Variants in CLIC6 observed in about 807,000 individuals in gnomAD.
CLIC6 encodes chloride intracellular channel protein 6.
Under a neutral mutation model 49.2 loss-of-function variants are expected in CLIC6, and 39 were observed. The observed-to-expected ratio is 0.79, with a 90% confidence interval of 0.61 to 1.04. CLIC6 has a LOEUF of 1.04. Among genes scored for constraint, CLIC6 ranks in the 50% least tolerant of loss-of-function variants. The pLI is 0.00. For missense variants in CLIC6, 988 were observed against 993.1 expected (o/e 0.99, Z 0.07); for synonymous variants, 446 against 433.4 (o/e 1.03, Z -0.36).
At position 34,716,869 on chromosome 21, in the gene CLIC6, C is replaced by CT. The variant is rs2056090498; in HGVS notation, c.*387_*388insT. The stretch of plus-strand genomic sequence containing the variant: ...TCTCTCTCTCTCTCTCTATCACACA[C>CT]ACACACACACACACACACACACACA... On this transcript the variant is annotated 3_prime_UTR_variant, in exon 6 of 6. Coordinates refer to ENST00000349499, the MANE Select transcript of CLIC6 (RefSeq NM_053277.3). 8.0e-6 allele frequency: 1 copy of CT among 124,854 alleles called. No individual in the cohort carries two copies. Among genetic ancestry groups the CT allele is most frequent in the African/African-American group, 2.9e-5 (1 of 34,966 alleles). 7.7% of individuals were successfully genotyped at this position (124,854 alleles called of 1,614,324 possible).
chr21:34,701,296 G>A (rs935965680), intron 1 of CLIC6, among the ~76,000 whole-genome samples: 10 of 120,322 alleles, frequency 8.3e-5, no homozygotes, highest in African/African-American at 3.3e-4. Flanking sequence ...GCGACAGAGC[G>A]AGGCTCCGTC....
Position 34,669,359 on chromosome 21 carries a change from A to T in CLIC6, c.-30A>T, listed in dbSNP as rs1989476027. ...GACCCTTAAGCAGCGTCAAGGAAGG[A>T]GTCCCGATCAAGGACAGGGATCTGC... On this transcript the variant is annotated 5_prime_UTR_variant, in exon 1 of 6. Coordinates refer to ENST00000349499, the MANE Select transcript of CLIC6 (RefSeq NM_053277.3). The T allele has an allele frequency of 1.3e-5, 16 of 1,234,498 alleles. No homozygotes were observed. Among genetic ancestry groups the T allele is most frequent in the Non-Finnish European group, 1.5e-5 (15 of 988,664 alleles). 76.5% of individuals were successfully genotyped at this position (1,234,498 alleles called of 1,614,324 possible).
At chr21:34,679,147 A>T (rs888345193) in intron 1 of CLIC6, among the ~76,000 whole-genome samples, 39 of 152,266 alleles carry the variant, frequency 2.6e-4, no homozygotes, top group African/African-American at 8.9e-4. Flanking sequence ...TAAAGGAAAG[A>T]GGTTTAATTG....
chr21:34,705,385 G>C (rs772086294), intron 1 of CLIC6, among the ~76,000 whole-genome samples: 1 of 152,154 alleles, frequency 6.6e-6, no homozygotes, highest in Non-Finnish European at 1.5e-5. Flanking sequence ...GCCATAGGGT[G>C]GTGGGACCCC....
intron 1 of CLIC6, among the ~76,000 whole-genome samples, chr21:34,703,120 G>A (rs1385250114): frequency 2.6e-5 from 4 of 152,176 alleles, no homozygotes; most frequent in Non-Finnish European, 5.9e-5. Context: ...GCAGGGACTG[G>A]CATCCTTCCC....
At chr21:34,682,801 A>ATTTTTTTTTTTTTTTTTT (rs1172251761) in intron 1 of CLIC6, among the ~76,000 whole-genome samples, 1 of 69,272 alleles carries the variant, frequency 1.4e-5, no homozygotes, top group African/African-American at 6.5e-5. Context: ...CTTTCCCTCC[A>ATTTTTTTTTTTTTTTTTT]TTTTTTTTTT....
In CLIC6 at chr21:34,693,467, G is replaced by A. The variant is rs1196974284; in HGVS notation, c.1375-13813G>A. Among the ~76,000 whole-genome samples the A allele has an allele frequency of 3.3e-5, 5 of 152,278 alleles. No homozygotes were observed. The East Asian group carries it at 7.7e-4, about 23-fold the overall frequency. ...CCAGAAGTTGTTTCCCTACCTTGACGTTTGAGGGTAGGTTCTAAAAACCAT... is the reference window on the plus strand; with the variant it reads ...CCAGAAGTTGTTTCCCTACCTTGACATTTGAGGGTAGGTTCTAAAAACCAT... On this transcript the variant is annotated intron_variant, in intron 1 of 5. Transcript: ENST00000349499.
At position 34,669,307 on chromosome 21, in the gene CLIC6, G is replaced by T; in HGVS notation, c.-82G>T. The T allele has an allele frequency of 8.7e-7, 1 of 1,143,356 alleles. No individual in the cohort carries two copies. Among genetic ancestry groups the T allele is most frequent in the Non-Finnish European group, 1.1e-6 (1 of 907,632 alleles). The allele number at this position is 1,143,356 out of a possible 1,614,324, so 70.8% of individuals were successfully genotyped here. On this transcript the variant is annotated 5_prime_UTR_variant, in exon 1 of 6. Coordinates refer to ENST00000349499, the MANE Select transcript of CLIC6 (RefSeq NM_053277.3). ...TCCTTCAAGGAGCACAGAGGGCCCC[G>T]TAGCACGCCCCTTGCCCAGCGCCAC...
At position 34,669,682 on chromosome 21, in the gene CLIC6, A is replaced by G. The variant is rs975115281; in HGVS notation, c.294A>G (p.Gly98=). 3.7e-6 allele frequency: 5 copies of G among 1,352,924 alleles called. No individual in the cohort carries two copies. In the Admixed American group the frequency reaches 1.2e-4, roughly 31 times the overall value. The allele number at this position is 1,352,924 out of a possible 1,614,324, so 83.8% of individuals were successfully genotyped here. The part of the protein sequence containing the change: ...GAPEGAEVPQ[G]GEETSGAQQV... ...CGGAGGGTGCCGAGGTGCCCCAAGG[A>G]GGGGAGGAGACAAGCGGCGCGCAGC... The change falls in exon 1 of 6, where the codon GGA becomes GGG. Residue 98 remains glycine (G), a synonymous_variant. Coordinates refer to ENST00000349499, the MANE Select transcript of CLIC6 (RefSeq NM_053277.3).
In CLIC6 at chr21:34,708,772, G is replaced by A. The variant is rs149133306; in HGVS notation, c.1683G>A (p.Ala561=). 9.0e-5 allele frequency: 146 copies of A among 1,613,854 alleles called. No homozygotes were observed. The highest frequency in any genetic ancestry group is 8.7e-4 in the Admixed American group (52 of 59,992). The stretch of plus-strand genomic sequence containing the variant: ...ATGACGTGTTTGCCAAATTCTCAGC[G>A]TTTATAAAAAACACGAAGAAGGATG... ...AGNDVFAKFS[A]FIKNTKKDAN... is the part of the protein sequence containing the mutation. Residue 561 remains alanine (A), a synonymous_variant, in exon 4 of 6, where the codon GCG becomes GCA. Coordinates refer to ENST00000349499, the MANE Select transcript of CLIC6 (RefSeq NM_053277.3).
At chr21:34,683,630 A>G (rs1293785234) in intron 1 of CLIC6, among the ~76,000 whole-genome samples, 4 of 152,172 alleles carry the variant, frequency 2.6e-5, no homozygotes, top group African/African-American at 9.7e-5. Context: ...GGATGATGGA[A>G]GCAGTTTCCT....
chr21:34,710,458 G>T (rs749921862), intron 5 of CLIC6, among the ~76,000 whole-genome samples: 2 of 152,142 alleles, frequency 1.3e-5, no homozygotes, highest in African/African-American at 2.4e-5. Flanking sequence ...TTAAAGACCT[G>T]CCAGACCCGT....
intron 1 of CLIC6, among the ~76,000 whole-genome samples, chr21:34,686,366 G>A (rs536188688): frequency 2.0e-5 from 3 of 152,222 alleles, no homozygotes; most frequent in South Asian, 2.1e-4. Flanking sequence ...ACGCCACTGC[G>A]CTCCAGCCTG....
rs1000096680 is a variant in CLIC6, at chr21:34,717,734, G to A, written c.*1252G>A. On this transcript the variant is annotated 3_prime_UTR_variant, in exon 6 of 6. Transcript: ENST00000349499. Reference sequence around the variant, plus strand: ...GCCAGAATGTGTTCTTCGGACAGTCGTACACATCTTACAGAAAACCCTCCT... The same window carrying A: ...GCCAGAATGTGTTCTTCGGACAGTCATACACATCTTACAGAAAACCCTCCT... 5 of 152,154 alleles carry A rather than the reference G, an allele frequency of 3.3e-5. No individual in the cohort carries two copies. The highest frequency in any genetic ancestry group is 7.3e-5 in the Non-Finnish European group (5 of 68,034). The allele number at this position is 152,154 out of a possible 1,614,324, so 9.4% of individuals were successfully genotyped here. A position where few individuals can be genotyped will look rare whatever the true frequency, so the allele number is the denominator to read the frequency against.
chr21:34,684,102 C>T (rs7281040), intron 1 of CLIC6, among the ~76,000 whole-genome samples: 30,471 of 146,110 alleles, frequency 0.21, 3,169 homozygotes, highest in South Asian at 0.23. Flanking sequence ...TTTTTTTTGT[C>T]CTTCACACTA....
In CLIC6 at chr21:34,707,347, T is replaced by A. The variant is rs755661243; in HGVS notation, c.1442T>A (p.Leu481Gln). 9 of 1,613,840 alleles carry A rather than the reference T, an allele frequency of 5.6e-6. No individual in the cohort carries two copies. The highest frequency in any genetic ancestry group is 5.0e-5 in the Admixed American group (3 of 59,986). The change falls in exon 2 of 6, where the codon CTG becomes CAG. Residue 481 changes from leucine to glutamine, a missense_variant. Coordinates refer to ENST00000349499, the MANE Select transcript of CLIC6 (RefSeq NM_053277.3). Reference protein sequence around the residue: ...FSQRLFMILWLKGVIFNVTTV... With the variant: ...FSQRLFMILWQKGVIFNVTTV... Reference sequence around the variant, plus strand: ...CAGCGTCTCTTTATGATTCTCTGGCTGAAAGGCGTTATATTTAATGTGACC... The same window carrying A: ...CAGCGTCTCTTTATGATTCTCTGGCAGAAAGGCGTTATATTTAATGTGACC...
At chr21:34,712,648 C>T (rs2056064067) in intron 5 of CLIC6, among the ~76,000 whole-genome samples, 1 of 152,034 alleles carries the variant, frequency 6.6e-6, no homozygotes, top group Non-Finnish European at 1.5e-5. Context: ...AGGCTGTGAC[C>T]CAGCACCTAA....
At chr21:34,712,886 C>G (rs1429520133) in intron 5 of CLIC6, among the ~76,000 whole-genome samples, 3 of 141,486 alleles carry the variant, frequency 2.1e-5, no homozygotes, top group Admixed American at 7.3e-5. Flanking sequence ...AACCCTAACC[C>G]TAACCGTAAC....
chr21:34,698,651 C>T (rs1035063408), intron 1 of CLIC6, among the ~76,000 whole-genome samples: 5 of 152,156 alleles, frequency 3.3e-5, no homozygotes, highest in Admixed American at 3.3e-4. Context: ...TAATTCTTAT[C>T]CAGCACTAAG....
Sources: gnomAD v4.1 joint callset for allele counts (sites outside exome capture counted in the v4.1 genomes callset) on GRCh38, gnomAD v4.1.1 for gene constraint, MANE v1.5 for transcripts, NCBI Gene and HGNC (gene_info 2026-07-23, HGNC 2026-07-21) for gene names.